LIN52: variants seen among roughly 807,000 people sequenced by gnomAD.
The protein encoded by LIN52 is lin-52 DREAM MuvB core complex component.
In LIN52, 4 loss-of-function variants were observed where a neutral mutation model predicts 18.5. The observed-to-expected ratio is 0.22, with a 90% confidence interval of 0.11 to 0.49. The LOEUF (loss-of-function observed/expected upper bound fraction) is 0.49. LIN52 is among the 20% of genes least tolerant of loss of function. The probability of loss-of-function intolerance (pLI) is 0.97; values close to 1 mark genes in which losing one functional copy is unlikely to be tolerated. For synonymous variants in LIN52, 34 were observed against 45.5 expected (o/e 0.75, Z 1.02); for missense variants, 102 against 139.5 (o/e 0.73, Z 1.35).
At chr14:74,091,095 C>A in intron 1 of LIN52, 137 bp from the exon 2 acceptor site, 1 of 545,542 alleles carries the variant, frequency 1.8e-6, no homozygotes, top group Non-Finnish European at 3.3e-6. Flanking sequence ...TATCACGGAC[C>A]AGTGGCATCA....
chr14:74,088,771 AGAAAAT>A (rs1401286841), intron 1 of LIN52, among the ~76,000 whole-genome samples: 1 of 152,232 alleles, frequency 6.6e-6, no homozygotes, highest in East Asian at 1.9e-4. Flanking sequence ...GTGGTTACCC[AGAAAAT>A]GTTAAGAACT....
Position 74,126,036 on chromosome 14 carries a change from TA to T in LIN52, c.283+24812del, listed in dbSNP as rs35775748. On this transcript the variant is annotated intron_variant, in intron 5 of 5. Transcript: ENST00000555028. ...ACATGTACCCTAAAACTTAAAGTAT[TA>T]AAAAAAAAAAAAAGAAATGAGCAAA... Among the ~76,000 whole-genome samples, 194 of 140,320 alleles carry T rather than the reference TA, an allele frequency of 1.4e-3. 1 individual carries two copies. Among genetic ancestry groups the T allele is most frequent in the Non-Finnish European group, 1.5e-3 (97 of 64,490 alleles). 92.1% of individuals were successfully genotyped at this position (140,320 alleles called of 152,430 possible).
chr14:74,135,273 C>G (rs888491569), intron 5 of LIN52, among the ~76,000 whole-genome samples: 7 of 152,166 alleles, frequency 4.6e-5, no homozygotes, highest in African/African-American at 1.7e-4. Context: ...CCATGTTGGC[C>G]AGGATATTCT....
intron 5 of LIN52, among the ~76,000 whole-genome samples, chr14:74,122,301 A>G (rs952315663): frequency 2.0e-5 from 3 of 152,190 alleles, no homozygotes; most frequent in African/African-American, 7.2e-5. Context: ...TTAGGAGACA[A>G]TGCTGAAGTA....
At chr14:74,190,859 C>T (rs2078871566) in intron 5 of LIN52, among the ~76,000 whole-genome samples, 1 of 152,234 alleles carries the variant, frequency 6.6e-6, no homozygotes, top group South Asian at 2.1e-4. Context: ...ACACCACCTG[C>T]TGAGGGCCAC....
rs2078936662 is a variant in LIN52, at chr14:74,199,912, T to C, written c.*935T>C. On this transcript the variant is annotated 3_prime_UTR_variant, in exon 6 of 6. Transcript: ENST00000555028. Reference sequence around the variant, plus strand: ...CAGCACATATGAAATAGTTCATCTATATAATAGAAACGCACACACACGAAA... The same window carrying C: ...CAGCACATATGAAATAGTTCATCTACATAATAGAAACGCACACACACGAAA... 6.6e-6 allele frequency: 1 copy of C among 152,238 alleles called. No homozygotes were observed. The highest frequency in any genetic ancestry group is 2.1e-4 in the South Asian group (1 of 4,832). 9.4% of individuals were successfully genotyped at this position (152,238 alleles called of 1,614,324 possible).
chr14:74,093,681 T>C (rs1171895179), intron 2 of LIN52, among the ~76,000 whole-genome samples: 2 of 152,094 alleles, frequency 1.3e-5, no homozygotes, highest in African/African-American at 2.4e-5. Context: ...AAGGTACAAC[T>C]CCGGCCAGGT....
rs150106205 is a variant in LIN52, at chr14:74,195,446, T to C, written c.284-3476T>C. On this transcript the variant is annotated intron_variant, in intron 5 of 5. Transcript: ENST00000555028. ...AGCAGGCAGTAGTCATCTCTAAAGA[T>C]TTTTCCCCAAAGAGATTTGAAATTC... 3.3e-5 allele frequency among the ~76,000 whole-genome samples: 5 copies of C among 152,218 alleles called. No individual in the cohort carries two copies. In the East Asian group the frequency reaches 5.8e-4, roughly 18 times the overall value.
chr14:74,163,611 G>C (rs907209498), intron 5 of LIN52, among the ~76,000 whole-genome samples: 5 of 152,020 alleles, frequency 3.3e-5, no homozygotes, highest in Non-Finnish European at 7.4e-5. Context: ...CTTTTCTTTC[G>C]AAACCCTACT....
intron 5 of LIN52, among the ~76,000 whole-genome samples, chr14:74,103,786 C>G (rs1306398186): frequency 1.4e-5 from 1 of 69,078 alleles, no homozygotes; most frequent in Non-Finnish European, 2.8e-5. Flanking sequence ...CTGGGTTTTT[C>G]TATGTTGCCT....
At chr14:74,188,225 ATAT>A (rs1302954626) in intron 5 of LIN52, among the ~76,000 whole-genome samples, 3 of 152,240 alleles carry the variant, frequency 2.0e-5, no homozygotes, top group Non-Finnish European at 2.9e-5. Context: ...AAATAAAATG[ATAT>A]TATTCCCTGG....
intron 3 of LIN52, 21 bp from the exon 4 acceptor site, chr14:74,097,773 G>A: frequency 6.4e-7 from 1 of 1,554,118 alleles, no homozygotes; most frequent in East Asian, 2.2e-5. Context: ...GTGTCTGAAT[G>A]GATATATTAT....
chr14:74,184,608 T>C (rs935633439), intron 5 of LIN52, among the ~76,000 whole-genome samples: 7 of 152,224 alleles, frequency 4.6e-5, no homozygotes, highest in Admixed American at 1.3e-4. Context: ...ATCAGTCATA[T>C]TATTTTCAAA....
At chr14:74,128,417 A>C (rs1166498373) in intron 5 of LIN52, among the ~76,000 whole-genome samples, 1 of 152,152 alleles carries the variant, frequency 6.6e-6, no homozygotes, top group Admixed American at 6.5e-5. Flanking sequence ...TTGAGGATGA[A>C]GAAAGAACCA....
intron 5 of LIN52, among the ~76,000 whole-genome samples, chr14:74,110,857 T>C (rs1487065665): frequency 1.3e-5 from 2 of 150,982 alleles, no homozygotes; most frequent in Non-Finnish European, 2.9e-5. Flanking sequence ...TCCCAGCAAC[T>C]TGGGAGGCTG....
intron 3 of LIN52, among the ~76,000 whole-genome samples, chr14:74,097,492 T>G (rs1466164871): frequency 1.3e-5 from 2 of 151,356 alleles, no homozygotes; most frequent in Non-Finnish European, 2.9e-5. Context: ...GGCACAATCT[T>G]GGTTCACTGC....
chr14:74,147,033 TGGATCACTTGAGGTCA>T (rs2061154955), intron 5 of LIN52, among the ~76,000 whole-genome samples: 1 of 151,906 alleles, frequency 6.6e-6, no homozygotes, highest in African/African-American at 2.4e-5. Flanking sequence ...CCGAGGTGGG[TGGATCACTTGAGGTCA>T]GGAGTTTGAG....
intron 5 of LIN52, among the ~76,000 whole-genome samples, chr14:74,132,241 A>G (rs1348788422): frequency 6.6e-6 from 1 of 152,154 alleles, no homozygotes; most frequent in East Asian, 1.9e-4. Context: ...TTCTTAATCC[A>G]GGGGTTTCAT....
At chr14:74,186,183 T>G (rs1039574493) in intron 5 of LIN52, among the ~76,000 whole-genome samples, 1 of 151,612 alleles carries the variant, frequency 6.6e-6, no homozygotes, top group Non-Finnish European at 1.5e-5. Flanking sequence ...CCCAGCTACT[T>G]GGGAAGGCTG....
Sources: gnomAD v4.1 joint callset for allele counts (sites outside exome capture counted in the v4.1 genomes callset) on GRCh38, gnomAD v4.1.1 for gene constraint, MANE v1.5 for transcripts, NCBI Gene and HGNC (gene_info 2026-07-23, HGNC 2026-07-21) for gene names.